Variants in SRGAP2C observed in about 807,000 individuals in gnomAD.
SRGAP2C encodes the protein SLIT-ROBO Rho GTPase-activating protein 2C.
SRGAP2C carries 15 observed loss-of-function variants against 25.1 expected under a neutral mutation model. The observed-to-expected ratio is 0.60, with a 90% CI of 0.40 to 0.92. The LOEUF is 0.92. Among genes scored for constraint, SRGAP2C ranks in the 40% least tolerant of loss-of-function variants. The pLI is 0.00. For missense variants in SRGAP2C, 144 were observed against 264.4 expected, an observed-to-expected ratio of 0.54 and a Z score of 3.16; for synonymous variants, 44 against 96.6, an observed-to-expected ratio of 0.46 and a Z score of 3.19.
rs372968865 is a variant in SRGAP2C at position 121,185,007 on chromosome 1, G to T, written c.-660G>T. The stretch of plus-strand genomic sequence containing the variant: ...TGCGGAGTTGGCGGAGGCGGCGGAG[G>T]CTCCTCCAGGGACTGGGGCACCGAT... On this transcript the variant is annotated 5_prime_UTR_variant, in exon 1 of 10. Transcript: ENST00000367123. 4 of 510,144 alleles carry T rather than the reference G, an allele frequency of 7.8e-6. 1 individual carries two copies. Among genetic ancestry groups the T allele is most frequent in the Non-Finnish European group, 1.4e-5 (4 of 291,824 alleles). 31.6% of individuals were successfully genotyped at this position (510,144 alleles called of 1,614,324 possible).
At chr1:121,308,547 G>A (rs1437680877) in intron 3 of SRGAP2C, among the ~76,000 whole-genome samples, 3 of 149,718 alleles carry the variant, frequency 2.0e-5, no homozygotes, top group Non-Finnish European at 4.5e-5. Flanking sequence ...AGGCTGAGGT[G>A]GGAGGATTGC....
At chr1:121,338,770 TTA>T (rs1376202284) in intron 4 of SRGAP2C, among the ~76,000 whole-genome samples, 1 of 135,914 alleles carries the variant, frequency 7.4e-6, no homozygotes, top group African/African-American at 2.7e-5. Context: ...TAAGTAGTTA[TTA>T]GTAAGGCCCA....
At chr1:121,352,209 C>CCGTA (rs1658924644) in intron 4 of SRGAP2C, among the ~76,000 whole-genome samples, 1 of 4,490 alleles carries the variant, frequency 2.2e-4, no homozygotes, top group African/African-American at 9.6e-4. Flanking sequence ...TTAGATGGTG[C>CCGTA]TGAATAAATA....
chr1:121,279,434 T>G (rs1327817589), intron 2 of SRGAP2C, among the ~76,000 whole-genome samples: 3 of 145,548 alleles, frequency 2.1e-5, no homozygotes, highest in African/African-American at 7.7e-5. Context: ...AGGGCAGTTT[T>G]CAGAGGACTG....
chr1:121,302,293 C>T (rs1476412997), intron 3 of SRGAP2C, among the ~76,000 whole-genome samples: 1 of 151,976 alleles, frequency 6.6e-6, no homozygotes, highest in Admixed American at 6.6e-5. Flanking sequence ...TCATTTTTCT[C>T]CAGAATGCAA....
chr1:121,260,303 G>A (rs1553333295), intron 2 of SRGAP2C, among the ~76,000 whole-genome samples: 2 of 151,894 alleles, frequency 1.3e-5, no homozygotes, highest in African/African-American at 4.8e-5. Context: ...TCAGGCAGAG[G>A]AAACAGCCAG....
chr1:121,383,168 T>C (rs1553355538), intron 8 of SRGAP2C, among the ~76,000 whole-genome samples: 1 of 149,756 alleles, frequency 6.7e-6, no homozygotes, highest in Non-Finnish European at 1.5e-5. Flanking sequence ...GGGAATAAGG[T>C]CGCTAAGGCT....
rs1433772932 is a variant in SRGAP2C, at chr1:121,185,919, AAG to A, written c.-543+796_-543+797del. Among the ~76,000 whole-genome samples the A allele has an allele frequency of 7.1e-5, 2 of 28,208 alleles. 1 individual carries two copies. Among genetic ancestry groups the A allele is most frequent in the African/African-American group, 2.5e-4 (2 of 7,860 alleles). 18.5% of individuals were successfully genotyped at this position (28,208 alleles called of 152,430 possible). ...CGTGGCCCCTTCCTCCAGCCGCGGG[AAG>A]TGGGAGACGCTAGCGGGAGCTTCCT... On this transcript the variant is annotated intron_variant, in intron 1 of 9. Coordinates refer to ENST00000367123, the MANE Select transcript of SRGAP2C (RefSeq NM_001329984.2).
intron 2 of SRGAP2C, among the ~76,000 whole-genome samples, chr1:121,201,999 G>A (rs1409036419): frequency 2.6e-5 from 4 of 152,034 alleles, no homozygotes; most frequent in East Asian, 1.9e-4. Context: ...TTCTGCCCTC[G>A]GACAATTCTT....
At chr1:121,188,296 G>T (rs1447553587) in intron 2 of SRGAP2C, among the ~76,000 whole-genome samples, 6 of 152,208 alleles carry the variant, frequency 3.9e-5, no homozygotes, top group Non-Finnish European at 8.8e-5. Context: ...AATGTGAAGG[G>T]TAAAGCAAAA....
At chr1:121,286,736 T>C (rs1238719132) in intron 3 of SRGAP2C, among the ~76,000 whole-genome samples, 2 of 151,910 alleles carry the variant, frequency 1.3e-5, no homozygotes, top group African/African-American at 4.8e-5. Flanking sequence ...AGGTGCACGC[T>C]TTTTGGCTTG....
At position 121,279,292 on chromosome 1, in the gene SRGAP2C, TGAA is replaced by T. The variant is rs1486901948; in HGVS notation, c.68-5502_68-5500del. Among the ~76,000 whole-genome samples, 284 of 150,876 alleles carry T rather than the reference TGAA, an allele frequency of 1.9e-3. 3 individuals carry two copies. Among genetic ancestry groups the T allele is most frequent in the Non-Finnish European group, 3.4e-3 (230 of 67,550 alleles). ...TCATGACTTAATCAGAGAAAATTCC[TGAA>T]GAAGAAGATGAATTTTGAAAGGAGG... On this transcript the variant is annotated intron_variant, in intron 2 of 9. Transcript: ENST00000367123.
intron 2 of SRGAP2C, among the ~76,000 whole-genome samples, chr1:121,228,629 A>G (rs1553327006): frequency 2.0e-5 from 3 of 151,442 alleles, no homozygotes; most frequent in Non-Finnish European, 4.4e-5. Flanking sequence ...GTTCATGATC[A>G]CGAACCTTCT....
intron 2 of SRGAP2C, among the ~76,000 whole-genome samples, chr1:121,238,308 T>C (rs1461219439): frequency 5.3e-5 from 8 of 151,704 alleles, no homozygotes; most frequent in Non-Finnish European, 8.8e-5. Context: ...TGGGTACTTA[T>C]TGAGTTACCA....
intron 2 of SRGAP2C, among the ~76,000 whole-genome samples, chr1:121,236,677 ATC>A (rs1553328747): frequency 1.3e-5 from 2 of 151,320 alleles, no homozygotes. Flanking sequence ...TCAGTTCGAG[ATC>A]TTATTGGCCT....
intron 4 of SRGAP2C, among the ~76,000 whole-genome samples, chr1:121,339,246 T>A (rs2101623108): frequency 7.0e-6 from 1 of 143,600 alleles, no homozygotes; most frequent in South Asian, 2.2e-4. Context: ...TCTTTGGCTA[T>A]GTTGTCTTTT....
chr1:121,352,958 C>A (rs1469973335), intron 4 of SRGAP2C, among the ~76,000 whole-genome samples: 2 of 148,120 alleles, frequency 1.4e-5, no homozygotes, highest in Admixed American at 6.7e-5. Context: ...GGCATAGTGG[C>A]GGGCACCTGT....
intron 2 of SRGAP2C, among the ~76,000 whole-genome samples, chr1:121,283,865 C>T (rs1399424710): frequency 1.1e-4 from 17 of 150,642 alleles, no homozygotes; most frequent in African/African-American, 4.1e-4. Context: ...TGCAGTGCTG[C>T]ATTTGAGGCA....
chr1:121,185,592 AC>A, intron 1 of SRGAP2C: 3 of 265,334 alleles, frequency 1.1e-5, no homozygotes, highest in Non-Finnish European at 1.9e-5. Flanking sequence ...CCCGAGTCCC[AC>A]CCCCCGGCCC....
Sources: gnomAD v4.1 joint callset for allele counts (sites outside exome capture counted in the v4.1 genomes callset) on GRCh38, gnomAD v4.1.1 for gene constraint, MANE v1.5 for transcripts, NCBI Gene and HGNC (gene_info 2026-07-23, HGNC 2026-07-21) for gene names.